Variants in NCOR1 observed in about 807,000 individuals in gnomAD.
NCOR1 encodes nuclear receptor corepressor 1.
In NCOR1, 63 loss-of-function variants were observed where a neutral mutation model predicts 288.1. The observed-to-expected ratio is 0.22, with a 90% CI of 0.18 to 0.27. The LOEUF is 0.27. NCOR1 is among the 10% of genes least tolerant of loss of function. The probability of loss-of-function intolerance (pLI) is 1.00; values close to 1 mark genes in which losing one functional copy is unlikely to be tolerated. For missense variants in NCOR1, 2,397 were observed against 3,019.2 expected (o/e 0.79, Z 4.83); for synonymous variants, 1,007 against 1,065.9 (o/e 0.94, Z 1.08).
intron 20 of NCOR1, among the ~76,000 whole-genome samples, chr17:16,099,367 A>T (rs906574411): frequency 6.6e-6 from 1 of 152,218 alleles, no homozygotes; most frequent in Non-Finnish European, 1.5e-5. Context: ...AAAATGTAGA[A>T]ATTGGTAAGA....
intron 14 of NCOR1, among the ~76,000 whole-genome samples, chr17:16,127,648 T>C (rs1044548540): frequency 6.8e-6 from 1 of 146,488 alleles, no homozygotes; most frequent in African/African-American, 2.5e-5. Flanking sequence ...TATATGTGTA[T>C]GTGTATATAT....
intron 21 of NCOR1, among the ~76,000 whole-genome samples, chr17:16,098,119 GTTGT>G (rs1175453371): frequency 6.6e-6 from 1 of 152,158 alleles, no homozygotes; most frequent in South Asian, 2.1e-4. Context: ...GAAGAGAGGA[GTTGT>G]TTAATTAATT....
chr17:16,105,637 A>C (rs2068466236), intron 19 of NCOR1, among the ~76,000 whole-genome samples: 1 of 152,182 alleles, frequency 6.6e-6, no homozygotes, highest in Admixed American at 6.5e-5. Flanking sequence ...TAACAACAAG[A>C]TGGCTCTTAG....
chr17:16,037,642 C>T (rs1236054364), intron 44 of NCOR1, among the ~76,000 whole-genome samples: 1 of 152,168 alleles, frequency 6.6e-6, no homozygotes, highest in Non-Finnish European at 1.5e-5. Context: ...TGACCAACCC[C>T]CCTTTCCCAA....
intron 44 of NCOR1, among the ~76,000 whole-genome samples, chr17:16,035,608 T>C (rs1296682554): frequency 6.6e-6 from 1 of 151,106 alleles, no homozygotes; most frequent in Non-Finnish European, 1.5e-5. Context: ...CAATCACGGC[T>C]TACCAGCTCA....
At chr17:16,141,805 T>G (rs1197891852) in intron 11 of NCOR1, among the ~76,000 whole-genome samples, 2 of 152,200 alleles carry the variant, frequency 1.3e-5, no homozygotes, top group Non-Finnish European at 2.9e-5. Context: ...AAGAATAGAC[T>G]TGATTGAATA....
chr17:16,041,422 T>TTTTTTTC (rs71150270), intron 42 of NCOR1: 12 of 147,926 alleles, frequency 8.1e-5, no homozygotes, highest in Admixed American at 6.1e-4. Context: ...TTTTTTTTTT[T>TTTTTTTC]CCTTTGAGAT....
intron 6 of NCOR1, among the ~76,000 whole-genome samples, chr17:16,154,857 G>T (rs1280683659): frequency 6.6e-6 from 1 of 152,136 alleles, no homozygotes; most frequent in Non-Finnish European, 1.5e-5. Flanking sequence ...GGAAAGAAGC[G>T]TAAGACCAGA....
chr17:16,095,486 G>C (rs1209918153), intron 21 of NCOR1, among the ~76,000 whole-genome samples: 2 of 141,110 alleles, frequency 1.4e-5, no homozygotes, highest in Non-Finnish European at 3.1e-5. Flanking sequence ...CCGGGAGGGA[G>C]GTAGGGGGGT....
chr17:16,098,806 G>A (rs1448441280), intron 20 of NCOR1: 2 of 174,714 alleles, frequency 1.1e-5, no homozygotes, highest in Non-Finnish European at 2.4e-5. Context: ...TTTTATATTA[G>A]AAAGAAAAGA....
At chr17:16,106,883 A>ATAT (rs1164118180) in intron 19 of NCOR1, among the ~76,000 whole-genome samples, 12 of 31,412 alleles carry the variant, frequency 3.8e-4, no homozygotes, top group African/African-American at 4.1e-4. Context: ...ATATATATAT[A>ATAT]TTTTTTTTTT....
intron 42 of NCOR1, among the ~76,000 whole-genome samples, chr17:16,041,491 G>A (rs2057611254): frequency 1.4e-5 from 2 of 146,668 alleles, no homozygotes; most frequent in Non-Finnish European, 3.0e-5. Flanking sequence ...TAGGCTCACT[G>A]CAACCTCTGC....
chr17:16,135,797 G>A lies in NCOR1; in HGVS notation c.1509+1514C>T, dbSNP rs1033947454. Among the ~76,000 whole-genome samples, 4 of 152,330 alleles carry A rather than the reference G, an allele frequency of 2.6e-5. No individual in the cohort carries two copies. The South Asian group carries it at 8.3e-4, about 32-fold the overall frequency. ...ACCCAGAAAACATAAAAAGGTTATA[G>A]CTGTGAATACTGAGAGAACTGGGTC... On this transcript the variant is annotated intron_variant, in intron 14 of 45. Transcript: ENST00000268712.
intron 42 of NCOR1, chr17:16,044,641 C>T (rs2058353924): frequency 7.9e-6 from 5 of 636,884 alleles, no homozygotes; most frequent in East Asian, 6.9e-5. Context: ...TCTCCGAGCT[C>T]GCCTGCATCT....
chr17:16,089,121 G>A (rs1347057116), intron 22 of NCOR1, among the ~76,000 whole-genome samples: 1 of 149,178 alleles, frequency 6.7e-6, no homozygotes, highest in Non-Finnish European at 1.5e-5. Flanking sequence ...GGTCATAGTA[G>A]TGGTTTTTTT....
chr17:16,171,656 GT>G, intron 4 of NCOR1, 146 bp downstream of exon 4: 1 of 637,456 alleles, frequency 1.6e-6, no homozygotes. Flanking sequence ...GTGGTTTCTA[GT>G]TTTGTTTAAC....
chr17:16,180,052 G>A (rs971119585), intron 3 of NCOR1, among the ~76,000 whole-genome samples: 8 of 151,874 alleles, frequency 5.3e-5, no homozygotes, highest in African/African-American at 1.9e-4. Flanking sequence ...TAGCAAGTGG[G>A]ACATATCCCT....
intron 41 of NCOR1, among the ~76,000 whole-genome samples, chr17:16,047,553 AATC>A (rs2058812617): frequency 6.6e-6 from 1 of 152,242 alleles, no homozygotes. Flanking sequence ...ATATCTAAGC[AATC>A]AACAGCTGGA....
Position 16,110,333 on chromosome 17 carries a change from G to A in NCOR1, c.2056-1421C>T, listed in dbSNP as rs541839648. On this transcript the variant is annotated intron_variant, in intron 18 of 45. Transcript: ENST00000268712. Reference sequence around the variant, plus strand: ...ATCATGCCACTGCACTCCAGGCTGGGTGACAGTGAGACTCGTTCAAAAAAA... The same window carrying A: ...ATCATGCCACTGCACTCCAGGCTGGATGACAGTGAGACTCGTTCAAAAAAA... Among the ~76,000 whole-genome samples the A allele has an allele frequency of 2.2e-4, 34 of 151,784 alleles. 1 individual carries two copies. In the East Asian group the frequency reaches 6.0e-3, roughly 27 times the overall value.
Sources: allele counts gnomAD v4.1 joint callset (sites outside exome capture counted in the v4.1 genomes callset), GRCh38; gene constraint gnomAD v4.1.1; transcripts MANE v1.5; gene names NCBI Gene and HGNC (gene_info 2026-07-23, HGNC 2026-07-21).